ATP1A4: variants seen among roughly 807,000 people sequenced by gnomAD.
The protein encoded by ATP1A4 is sodium/potassium-transporting ATPase subunit alpha-4.
Under a neutral mutation model 114.3 loss-of-function variants are expected in ATP1A4, and 90 were observed. That is an observed-to-expected ratio of 0.79 (90% CI 0.66 to 0.94). ATP1A4 has a LOEUF of 0.94. Ranked by LOEUF, ATP1A4 falls within the 40% of genes least tolerant of loss-of-function variation. The pLI is 0.00. For synonymous variants in ATP1A4, 511 were observed against 494.1 expected, an observed-to-expected ratio of 1.03 and a Z score of -0.45; for missense variants, 1,222 against 1,313.6, an observed-to-expected ratio of 0.93 and a Z score of 1.08.
At chr1:160,184,491 G>A (rs1653814883) in intron 20 of ATP1A4, among the ~76,000 whole-genome samples, 1 of 152,050 alleles carries the variant, frequency 6.6e-6, no homozygotes, top group South Asian at 2.1e-4. Flanking sequence ...AGACTGCAGT[G>A]AGTTATGATT....
In ATP1A4 at chr1:160,159,024, GAGAGA is replaced by G; in HGVS notation, c.552_556del (p.Glu184AspfsTer4). ...TAGCAAGCTCTGGTAATTCGAGGAG[GAGAGA>G]AGATGCAAATTAATGTACAAGAGGT... On this transcript the variant is annotated frameshift_variant, in exon 5 of 22. Coordinates refer to ENST00000368081, the MANE Select transcript of ATP1A4 (RefSeq NM_144699.4). LOFTEE classifies it high-confidence loss of function. 1 of 1,614,070 alleles carries G rather than the reference GAGAGA, an allele frequency of 6.2e-7. No individual in the cohort carries two copies. The highest frequency in any genetic ancestry group is 8.5e-7 in the Non-Finnish European group (1 of 1,179,962).
rs1653262267 is a variant in ATP1A4 at position 160,171,568 on chromosome 1, CCTCT to C, written c.1682-16_1682-13del. On this transcript the variant is annotated splice_polypyrimidine_tract_variant and intron_variant, in intron 11 of 21. Coordinates refer to ENST00000368081, the MANE Select transcript of ATP1A4 (RefSeq NM_144699.4). ...AGTGCTGGATGACTACTGGTCCCTC[CCTCT>C]GTCTCTCTCCAGGCTTCTGCTTCTT... The C allele has an allele frequency of 6.2e-7, 1 of 1,611,444 alleles. No homozygotes were observed. The highest frequency in any genetic ancestry group is 8.5e-7 in the Non-Finnish European group (1 of 1,178,510).
In ATP1A4 at chr1:160,186,689, C is replaced by T. The variant is rs769066341; in HGVS notation, c.3080C>T (p.Thr1027Met). Residue 1027 changes from threonine (T) to methionine (M), a missense_variant, in exon 22 of 22, where the codon ACG becomes ATG. By Grantham distance (81) the Thr-to-Met change is moderately conservative. Transcript: ENST00000368081. ...QHPDGWVERE[T>M]YY The stretch of plus-strand genomic sequence containing the variant: ...TCCACAGGCTGGGTGGAAAGGGAGA[C>T]GTACTACTAAACTCAGCAGATGAAG... The T allele has an allele frequency of 1.3e-5, 21 of 1,610,928 alleles. No homozygotes were observed. The highest frequency in any genetic ancestry group is 3.4e-5 in the Admixed American group (2 of 59,668).
At chr1:160,181,597 G>A (rs1653704403) in intron 18 of ATP1A4, 87 bp from the exon 19 acceptor site, 1 of 1,477,726 alleles carries the variant, frequency 6.8e-7, no homozygotes, top group Non-Finnish European at 9.2e-7. Context: ...CTCAGCCCAG[G>A]GGTCCTGGAA....
chr1:160,177,574 T>C lies in ATP1A4; in HGVS notation c.2646T>C (p.Asn882=), dbSNP rs750022182. 4.3e-6 allele frequency: 7 copies of C among 1,614,136 alleles called. No homozygotes were observed. Among genetic ancestry groups the C allele is most frequent in the East Asian group, 2.2e-5 (1 of 44,878 alleles). Residue 882 remains asparagine (N), a synonymous_variant, in exon 18 of 22, where the codon AAT becomes AAC. Coordinates refer to ENST00000368081, the MANE Select transcript of ATP1A4 (RefSeq NM_144699.4). The part of the protein sequence containing the change: ...FFTYFVILAE[N]GFRPVDLLGI... ...CCTACTTTGTAATCCTGGCTGAGAA[T>C]GGTTTTAGGCCTGTTGATCTGCTGG...
At chr1:160,152,295 C>A in intron 1 of ATP1A4, 108 bp downstream of exon 1, 2 of 1,226,708 alleles carry the variant, frequency 1.6e-6, no homozygotes, top group Non-Finnish European at 2.2e-6. Context: ...AGCCACATCT[C>A]TTCTCTGTTA....
In ATP1A4 at chr1:160,159,006, C is replaced by A; in HGVS notation, c.530C>A (p.Ala177Asp). The stretch of plus-strand genomic sequence containing the variant: ...TCCTGCACTATCCTCTCATAGCAAG[C>A]TCTGGTAATTCGAGGAGGAGAGAAG... ...ESFKNMVPQQ[A>D]LVIRGGEKMQ... The change falls in exon 5 of 22, where the codon GCT (alanine) becomes GAT (aspartate). Residue 177 changes from alanine (A) to aspartate (D), a missense_variant. Physicochemically the swap from Ala to Asp is moderately radical, Grantham distance 126 (BLOSUM62 -2). Coordinates refer to ENST00000368081, the MANE Select transcript of ATP1A4 (RefSeq NM_144699.4). 1 of 1,613,614 alleles carries A rather than the reference C, an allele frequency of 6.2e-7. No homozygotes were observed. Among genetic ancestry groups the A allele is most frequent in the Non-Finnish European group, 8.5e-7 (1 of 1,179,748 alleles).
intron 18 of ATP1A4, among the ~76,000 whole-genome samples, chr1:160,179,580 G>A (rs1303084530): frequency 6.6e-6 from 1 of 152,178 alleles, no homozygotes; most frequent in Non-Finnish European, 1.5e-5. Flanking sequence ...ACCCACCCGG[G>A]AAGTGCATGA....
chr1:160,177,416 GC>G (rs1653510703), intron 17 of ATP1A4, 102 bp from the exon 18 acceptor site: 2 of 1,276,520 alleles, frequency 1.6e-6, no homozygotes, highest in South Asian at 1.4e-5. Flanking sequence ...ACACACACCA[GC>G]CCAGCCAGAA....
intron 7 of ATP1A4, among the ~76,000 whole-genome samples, chr1:160,166,081 C>G (rs1246621502): frequency 6.6e-6 from 1 of 152,104 alleles, no homozygotes; most frequent in Non-Finnish European, 1.5e-5. Flanking sequence ...ACCAGCCTGG[C>G]CAACATGGTG....
chr1:160,157,336 C>T (rs1412736491), intron 4 of ATP1A4, among the ~76,000 whole-genome samples: 1 of 152,168 alleles, frequency 6.6e-6, no homozygotes, highest in Non-Finnish European at 1.5e-5. Flanking sequence ...TCACGCTCCT[C>T]CCACCCTCCA....
At chr1:160,172,675 G>C (rs2101645018) in intron 12 of ATP1A4, among the ~76,000 whole-genome samples, 1 of 152,286 alleles carries the variant, frequency 6.6e-6, no homozygotes, top group Non-Finnish European at 1.5e-5. Flanking sequence ...TGGATTACCT[G>C]TGTATTCTGG....
chr1:160,174,408 G>T, intron 14 of ATP1A4, 147 bp downstream of exon 14: 2 of 1,426,062 alleles, frequency 1.4e-6, no homozygotes, highest in Non-Finnish European at 1.9e-6. Context: ...CCTTCAGTTT[G>T]GGGCTCCCTG....
At chr1:160,154,682 C>A (rs774770719) in intron 2 of ATP1A4, among the ~76,000 whole-genome samples, 2 of 152,078 alleles carry the variant, frequency 1.3e-5, no homozygotes, top group Non-Finnish European at 2.9e-5. Flanking sequence ...ATGACATTGG[C>A]CCTGCACATT....
chr1:160,185,136 T>C (rs1254475332), intron 20 of ATP1A4, among the ~76,000 whole-genome samples: 2 of 151,778 alleles, frequency 1.3e-5, no homozygotes, highest in Non-Finnish European at 2.9e-5. Context: ...CGACGAAGTC[T>C]TGGTCTCGCT....
chr1:160,173,962 G>A (rs1653357626), intron 13 of ATP1A4, 149 bp from the exon 14 acceptor site: 1 of 1,070,228 alleles, frequency 9.3e-7, no homozygotes, highest in Non-Finnish European at 1.3e-6. Flanking sequence ...GGAATAGGAT[G>A]TGTCAATTTG....
At chr1:160,186,120 G>A (rs1341332428) in intron 20 of ATP1A4, among the ~76,000 whole-genome samples, 156 bp from the exon 21 acceptor site, 4 of 69,986 alleles carry the variant, frequency 5.7e-5, no homozygotes, top group South Asian at 5.2e-4. Flanking sequence ...GGATCAACCA[G>A]ATCTTATTCA....
chr1:160,152,429 C>T (rs965710031), intron 1 of ATP1A4, among the ~76,000 whole-genome samples: 8 of 152,028 alleles, frequency 5.3e-5, no homozygotes, highest in African/African-American at 1.9e-4. Context: ...AGCTTAATTC[C>T]ACAGTCCACT....
chr1:160,152,050 T>C lies in ATP1A4; in HGVS notation c.10T>C (p.Trp4Arg). The change falls in exon 1 of 22, where the codon TGG becomes CGG. Residue 4 changes from tryptophan to arginine, a missense_variant. Physicochemically the swap from Trp to Arg is moderately radical, Grantham distance 101 (BLOSUM62 -3). Transcript: ENST00000368081. ...CTTTCTGGGGATAGCTATGGGGCTT[T>C]GGGGGAAGAAAGGGACAGTGGCTCC... MGL[W>R]GKKGTVAPHD... 6.2e-7 allele frequency: 1 copy of C among 1,613,302 alleles called. No homozygotes were observed.
Sources: gnomAD v4.1 joint callset for allele counts (sites outside exome capture counted in the v4.1 genomes callset) on GRCh38, gnomAD v4.1.1 for gene constraint, MANE v1.5 for transcripts, NCBI Gene and HGNC (gene_info 2026-07-23, HGNC 2026-07-21) for gene names.